ADAMTS20: variants seen among roughly 807,000 people sequenced by gnomAD.
ADAMTS20 encodes ADAM metallopeptidase with thrombospondin type 1 motif 20.
ADAMTS20 carries 225 observed loss-of-function variants against 260.1 expected under a neutral mutation model. That is an observed-to-expected ratio of 0.87 (90% confidence interval 0.78 to 0.97). ADAMTS20 has a LOEUF of 0.97. ADAMTS20 is among the 50% of genes least tolerant of loss of function. The pLI is 0.00. For missense variants in ADAMTS20, 2,400 were observed against 2,337.7 expected, an observed-to-expected ratio of 1.03 and a Z score of -0.55; for synonymous variants, 802 against 769.5, an observed-to-expected ratio of 1.04 and a Z score of -0.70.
rs1285592167 is a variant in ADAMTS20, at chr12:43,383,798, A to T, written c.4626+6T>A. The T allele has an allele frequency of 6.2e-7, 1 of 1,613,646 alleles. No individual in the cohort carries two copies. The highest frequency in any genetic ancestry group is 8.5e-7 in the Non-Finnish European group (1 of 1,179,686). Reference sequence around the variant, plus strand: ...TGTCTTTGAAAATTTACATGTCGATACTCACATTCAGCCTCCCTCTTTCCA... The same window carrying T: ...TGTCTTTGAAAATTTACATGTCGATTCTCACATTCAGCCTCCCTCTTTCCA... On this transcript the variant is annotated splice_donor_region_variant and intron_variant, in intron 30 of 38. Coordinates refer to ENST00000389420, the MANE Select transcript of ADAMTS20 (RefSeq NM_025003.5).
chr12:43,486,220 A>G (rs1352573667), intron 7 of ADAMTS20, among the ~76,000 whole-genome samples: 1 of 152,134 alleles, frequency 6.6e-6, no homozygotes, highest in South Asian at 2.1e-4. Context: ...GTACTGGTAT[A>G]AAAGCAGACA....
Position 43,534,902 on chromosome 12 carries a change from G to T in ADAMTS20, c.454-2707C>A, listed in dbSNP as rs575159631. On this transcript the variant is annotated intron_variant, in intron 2 of 38. Coordinates refer to ENST00000389420, the MANE Select transcript of ADAMTS20 (RefSeq NM_025003.5). Reference sequence around the variant, plus strand: ...TAGGATGGACTAGGTATGGCATCGTGCTTCCAACATGCTGTCCCTCTACCT... The same window carrying T: ...TAGGATGGACTAGGTATGGCATCGTTCTTCCAACATGCTGTCCCTCTACCT... 3.4e-4 allele frequency among the ~76,000 whole-genome samples: 51 copies of T among 152,180 alleles called. No homozygotes were observed. In the South Asian group the frequency reaches 0.01, roughly 30 times the overall value.
intron 29 of ADAMTS20, among the ~76,000 whole-genome samples, chr12:43,390,944 T>C (rs575021694): frequency 1.3e-5 from 2 of 152,232 alleles, no homozygotes; most frequent in Admixed American, 6.5e-5. Flanking sequence ...ATATTTGTTA[T>C]AGCAGCACCT....
intron 6 of ADAMTS20, among the ~76,000 whole-genome samples, chr12:43,492,237 G>A (rs374824024): frequency 6.6e-6 from 1 of 151,700 alleles, no homozygotes; most frequent in Non-Finnish European, 1.5e-5. Context: ...AAAATTAGCC[G>A]GGCGTGGTGG....
intron 2 of ADAMTS20, among the ~76,000 whole-genome samples, chr12:43,545,312 A>G (rs572750119): frequency 3.9e-5 from 6 of 152,218 alleles, no homozygotes; most frequent in East Asian, 1.9e-4. Context: ...CTCCTTTACA[A>G]TGCATTTCAG....
At chr12:43,389,211 A>G (rs958081140) in intron 29 of ADAMTS20, among the ~76,000 whole-genome samples, 6 of 152,170 alleles carry the variant, frequency 3.9e-5, no homozygotes, top group African/African-American at 1.4e-4. Context: ...TCTCAATCAG[A>G]TATGAGTGAG....
chr12:43,376,098 C>G lies in ADAMTS20; in HGVS notation c.5271G>C (p.Leu1757=), dbSNP rs552746406. Residue 1757 remains leucine, a synonymous_variant, in exon 35 of 39, where the codon CTG becomes CTC. Coordinates refer to ENST00000389420, the MANE Select transcript of ADAMTS20 (RefSeq NM_025003.5). The part of the protein sequence containing the change: ...YLENPKEYLT[L]VQGEENFSEV... ...CAGAAAAGTTTTCTTCACCTTGGAC[C>G]AGTGTTAAATATTCCTTAGGGTTCT... 1 of 1,611,006 alleles carries G rather than the reference C, an allele frequency of 6.2e-7. No individual in the cohort carries two copies. The highest frequency in any genetic ancestry group is 1.1e-5 in the South Asian group (1 of 90,156).
chr12:43,439,832 C>T, intron 17 of ADAMTS20, 65 bp downstream of exon 17: 2 of 1,553,528 alleles, frequency 1.3e-6, no homozygotes, highest in Non-Finnish European at 1.7e-6. Flanking sequence ...TAATGTTAAG[C>T]ACTTAACCAG....
chr12:43,487,008 A>G (rs1338295850), intron 7 of ADAMTS20, among the ~76,000 whole-genome samples: 2 of 152,230 alleles, frequency 1.3e-5, no homozygotes, highest in Admixed American at 1.3e-4. Flanking sequence ...TGTGGAAAAT[A>G]GTATGAAGAT....
At chr12:43,358,802 A>T (rs900979912) in intron 37 of ADAMTS20, among the ~76,000 whole-genome samples, 12 of 140,686 alleles carry the variant, frequency 8.5e-5, no homozygotes, top group Non-Finnish European at 1.7e-4. Flanking sequence ...GCGCCACTGC[A>T]CTCCAGCCTG....
chr12:43,470,960 A>C (rs1017230239), intron 7 of ADAMTS20, among the ~76,000 whole-genome samples: 1 of 152,258 alleles, frequency 6.6e-6, no homozygotes, highest in Non-Finnish European at 1.5e-5. Context: ...AAGCATTCAA[A>C]TACCTTAACT....
intron 24 of ADAMTS20, 39 bp from the exon 25 acceptor site, chr12:43,428,838 T>A: frequency 6.5e-7 from 1 of 1,542,962 alleles, no homozygotes; most frequent in Non-Finnish European, 8.8e-7. Flanking sequence ...CATTATACAG[T>A]AGTACCTCAC....
chr12:43,475,515 A>C (rs1190766361), intron 7 of ADAMTS20, among the ~76,000 whole-genome samples: 1 of 150,782 alleles, frequency 6.6e-6, no homozygotes, highest in East Asian at 2.0e-4. Flanking sequence ...GGAACCAAAA[A>C]AGAGCCCGCA....
At chr12:43,370,494 A>C (rs1178302728) in intron 36 of ADAMTS20, among the ~76,000 whole-genome samples, 1 of 152,214 alleles carries the variant, frequency 6.6e-6, no homozygotes, top group East Asian at 1.9e-4. Context: ...GCAGAGACAC[A>C]ACTTTCAAAG....
At chr12:43,424,524 CATA>C (rs1941294091) in intron 28 of ADAMTS20, among the ~76,000 whole-genome samples, 1 of 151,996 alleles carries the variant, frequency 6.6e-6, no homozygotes, top group Non-Finnish European at 1.5e-5. Flanking sequence ...CTTTTATAAA[CATA>C]ATATTTTCAC....
chr12:43,542,243 A>C (rs2137523144), intron 2 of ADAMTS20, among the ~76,000 whole-genome samples: 1 of 152,350 alleles, frequency 6.6e-6, no homozygotes, highest in South Asian at 2.1e-4. Context: ...CAAAAATCAT[A>C]ACAATGAGAA....
chr12:43,362,426 T>C (rs1939890367), intron 37 of ADAMTS20, among the ~76,000 whole-genome samples: 1 of 151,954 alleles, frequency 6.6e-6, no homozygotes, highest in Non-Finnish European at 1.5e-5. Context: ...AAATAGGGAA[T>C]TGGGAAGAAG....
At position 43,427,825 on chromosome 12, in the gene ADAMTS20, T is replaced by A. The variant is rs186535933; in HGVS notation, c.3946-356A>T. ...TTTACACTGGTGTTTTTCTTTATTT[T>A]GTATTATGAATGTTATGTAAAATAT... On this transcript the variant is annotated intron_variant, in intron 26 of 38. Coordinates refer to ENST00000389420, the MANE Select transcript of ADAMTS20 (RefSeq NM_025003.5). 2.6e-3 allele frequency among the ~76,000 whole-genome samples: 396 copies of A among 152,336 alleles called. 1 individual carries two copies. The highest frequency in any genetic ancestry group is 9.0e-3 in the African/African-American group (373 of 41,558).
chr12:43,538,960 T>A (rs1943335738), intron 2 of ADAMTS20, among the ~76,000 whole-genome samples: 1 of 149,408 alleles, frequency 6.7e-6, no homozygotes, highest in South Asian at 2.1e-4. Context: ...ATTCTTTTTT[T>A]TTTTTTTTTT....
Sources: gnomAD v4.1 joint callset for allele counts (sites outside exome capture counted in the v4.1 genomes callset) on GRCh38, gnomAD v4.1.1 for gene constraint, MANE v1.5 for transcripts, NCBI Gene and HGNC (gene_info 2026-07-23, HGNC 2026-07-21) for gene names.